TAFA2: variants seen among roughly 807,000 people sequenced by gnomAD.
TAFA2 encodes TAFA chemokine like family member 2, also known as chemokine-like protein TAFA-2.
In TAFA2, 7 loss-of-function variants were observed where a neutral mutation model predicts 18.8. That is an observed-to-expected ratio of 0.37 (90% confidence interval 0.21 to 0.70). The LOEUF (loss-of-function observed/expected upper bound fraction) is 0.70. Ranked by LOEUF, TAFA2 falls within the 30% of genes least tolerant of loss-of-function variation. The pLI is 0.53. For missense variants in TAFA2, 122 were observed against 158.1 expected (o/e 0.77, Z 1.23); for synonymous variants, 60 against 54.2 (o/e 1.11, Z -0.47).
In TAFA2 at chr12:62,125,741, G is replaced by A. The variant is rs115098334; in HGVS notation, c.-2+65518C>T. Reference sequence around the variant, plus strand: ...TTGTTAAAACACAATCTTCAGCGTCGAACTGCCTGGGTTCAAATTCCATCT... The same window carrying A: ...TTGTTAAAACACAATCTTCAGCGTCAAACTGCCTGGGTTCAAATTCCATCT... On this transcript the variant is annotated intron_variant, in intron 1 of 4. Coordinates refer to ENST00000416284, the MANE Select transcript of TAFA2 (RefSeq NM_178539.5). 2.4e-3 allele frequency among the ~76,000 whole-genome samples: 358 copies of A among 152,006 alleles called. 3 individuals carry two copies. Among genetic ancestry groups the A allele is most frequent in the African/African-American group, 7.6e-3 (316 of 41,484 alleles).
chr12:62,083,703 G>A (rs1435118545), intron 1 of TAFA2, among the ~76,000 whole-genome samples: 1 of 152,090 alleles, frequency 6.6e-6, no homozygotes, highest in African/African-American at 2.4e-5. Context: ...AGAGAAATGT[G>A]TCTTACACTT....
intron 4 of TAFA2, among the ~76,000 whole-genome samples, chr12:61,719,354 C>G (rs1190420350): frequency 2.0e-5 from 3 of 152,126 alleles, no homozygotes; most frequent in Non-Finnish European, 4.4e-5. Context: ...GCAAATTCTC[C>G]AATTACTCCT....
At chr12:61,836,732 GAT>G (rs3034054) in intron 2 of TAFA2, among the ~76,000 whole-genome samples, 15,445 of 112,782 alleles carry the variant, frequency 0.14, 1,425 homozygotes, top group East Asian at 0.25. Flanking sequence ...TTGCCAATTT[GAT>G]ATATATATAT....
At chr12:61,921,469 G>A (rs192921568) in intron 1 of TAFA2, among the ~76,000 whole-genome samples, 2 of 152,280 alleles carry the variant, frequency 1.3e-5, no homozygotes, top group South Asian at 2.1e-4. Context: ...TGGAAGAATA[G>A]AATTGCCCCT....
chr12:62,016,688 A>G (rs763180356), intron 1 of TAFA2, among the ~76,000 whole-genome samples: 5 of 152,128 alleles, frequency 3.3e-5, no homozygotes, highest in Non-Finnish European at 5.9e-5. Context: ...CTCAGAATCA[A>G]CCATCCTACC....
chr12:62,093,227 G>A (rs966732529), intron 1 of TAFA2, among the ~76,000 whole-genome samples: 1 of 151,742 alleles, frequency 6.6e-6, no homozygotes, highest in African/African-American at 2.4e-5. Context: ...TATTCTTTTA[G>A]GAAAATATTA....
Position 62,126,215 on chromosome 12 carries a change from G to A in TAFA2, c.-2+65044C>T, listed in dbSNP as rs563441442. On this transcript the variant is annotated intron_variant, in intron 1 of 4. Coordinates refer to ENST00000416284, the MANE Select transcript of TAFA2 (RefSeq NM_178539.5). The stretch of plus-strand genomic sequence containing the variant: ...GACAAGCATTATGCTGAATAGTAGG[G>A]ATGAAAAGATGAAAAAGATTACCTT... Among the ~76,000 whole-genome samples the A allele has an allele frequency of 3.3e-5, 5 of 152,156 alleles. No individual in the cohort carries two copies. In the East Asian group the frequency reaches 7.7e-4, roughly 24 times the overall value.
chr12:61,724,459 A>G (rs927276217), intron 4 of TAFA2, among the ~76,000 whole-genome samples: 1 of 147,284 alleles, frequency 6.8e-6, no homozygotes, highest in East Asian at 2.0e-4. Flanking sequence ...TTTAGTTGTG[A>G]TTTCTGAGAT....
chr12:62,005,007 G>A (rs1021870349), intron 1 of TAFA2, among the ~76,000 whole-genome samples: 2 of 152,032 alleles, frequency 1.3e-5, no homozygotes, highest in African/African-American at 2.4e-5. Flanking sequence ...ATAGAACAGT[G>A]GTTACCAGGG....
At chr12:62,157,891 G>T (rs1463819043) in intron 1 of TAFA2, among the ~76,000 whole-genome samples, 1 of 152,166 alleles carries the variant, frequency 6.6e-6, no homozygotes, top group African/African-American at 2.4e-5. Flanking sequence ...CAGGGGCACT[G>T]TCTGTCTTGT....
At chr12:62,127,418 T>C (rs572496853) in intron 1 of TAFA2, among the ~76,000 whole-genome samples, 1 of 152,094 alleles carries the variant, frequency 6.6e-6, no homozygotes, top group Non-Finnish European at 1.5e-5. Context: ...ATTCTTGTTG[T>C]TGAGTTATAT....
chr12:62,061,018 GA>G (rs61568179), intron 1 of TAFA2, among the ~76,000 whole-genome samples: 123,298 of 148,626 alleles, frequency 0.83, 51,093 homozygotes, highest in Middle Eastern at 0.88. Flanking sequence ...AAGTTTAAAA[GA>G]AAAAAAAAAA....
chr12:61,989,663 T>G (rs911133982), intron 1 of TAFA2, among the ~76,000 whole-genome samples: 6 of 152,100 alleles, frequency 3.9e-5, no homozygotes, highest in Non-Finnish European at 7.4e-5. Flanking sequence ...ACTCCCAGAA[T>G]AGATGTGGTT....
chr12:61,826,091 A>G (rs1368934958), intron 2 of TAFA2, among the ~76,000 whole-genome samples: 1 of 152,080 alleles, frequency 6.6e-6, no homozygotes, highest in Non-Finnish European at 1.5e-5. Context: ...TATAACACCT[A>G]TGTTTTCAGT....
chr12:62,220,287 T>C (rs2062755279), intron 1 of TAFA2, among the ~76,000 whole-genome samples: 1 of 151,886 alleles, frequency 6.6e-6, no homozygotes, highest in African/African-American at 2.4e-5. Context: ...ATTAATAAAA[T>C]GAGAAATAAA....
chr12:62,092,206 G>A (rs1868744711), intron 1 of TAFA2, among the ~76,000 whole-genome samples: 1 of 151,810 alleles, frequency 6.6e-6, no homozygotes, highest in Non-Finnish European at 1.5e-5. Flanking sequence ...GGCTCTTACA[G>A]GAACAGATTG....
chr12:61,896,905 T>C (rs1875869891), intron 1 of TAFA2, among the ~76,000 whole-genome samples: 1 of 152,108 alleles, frequency 6.6e-6, no homozygotes, highest in South Asian at 2.1e-4. Context: ...AAATAGCAAA[T>C]GGGGGATATA....
intron 1 of TAFA2, among the ~76,000 whole-genome samples, chr12:61,966,763 TGA>T (rs1291475497): frequency 6.6e-6 from 1 of 151,922 alleles, no homozygotes; most frequent in East Asian, 1.9e-4. Flanking sequence ...TCAAGGAGAT[TGA>T]GTGTTTTGCT....
intron 1 of TAFA2, among the ~76,000 whole-genome samples, chr12:61,968,939 G>C (rs1378018341): frequency 6.6e-6 from 1 of 151,658 alleles, no homozygotes; most frequent in Non-Finnish European, 1.5e-5. Context: ...GCTAGGTTAT[G>C]CTGAAGGAGT....
Sources: gnomAD v4.1 joint callset for allele counts (sites outside exome capture counted in the v4.1 genomes callset) on GRCh38, gnomAD v4.1.1 for gene constraint, MANE v1.5 for transcripts, NCBI Gene and HGNC (gene_info 2026-07-23, HGNC 2026-07-21) for gene names.